Variants in STARD3 observed in about 807,000 individuals in gnomAD.
STARD3 encodes the protein StAR related lipid transfer domain containing 3, also known as stAR-related lipid transfer protein 3.
In STARD3, 39 loss-of-function variants were observed where a neutral mutation model predicts 62.0. The ratio of observed to expected loss-of-function variants is 0.63; its 90% CI spans 0.49 to 0.82. The LOEUF (loss-of-function observed/expected upper bound fraction) is 0.82. STARD3 is among the 40% of genes least tolerant of loss of function. STARD3 has a pLI of 0.00. For missense variants in STARD3, 543 were observed against 584.5 expected (o/e 0.93, Z 0.73); for synonymous variants, 229 against 242.4 (o/e 0.94, Z 0.51).
chr17:39,661,733 G>A (rs550384294), intron 13 of STARD3, among the ~76,000 whole-genome samples: 7 of 152,140 alleles, frequency 4.6e-5, no homozygotes, highest in Non-Finnish European at 1.0e-4. Flanking sequence ...AGACTTGCTG[G>A]GTGCAGGGAA....
At chr17:39,643,181 G>T (rs374890991) in intron 1 of STARD3, among the ~76,000 whole-genome samples, 14 of 152,224 alleles carry the variant, frequency 9.2e-5, no homozygotes, top group South Asian at 4.1e-4. Context: ...GCCAGATTTT[G>T]CAGGAAGAGA....
In STARD3 at chr17:39,659,563, C is replaced by T; in HGVS notation, c.795+10C>T. 1 of 1,613,594 alleles carries T rather than the reference C, an allele frequency of 6.2e-7. No individual in the cohort carries two copies. Among genetic ancestry groups the T allele is most frequent in the Non-Finnish European group, 8.5e-7 (1 of 1,179,538 alleles). The stretch of plus-strand genomic sequence containing the variant: ...GTTTGAGAAGAATAATGTAAGAAGC[C>T]CTCTCCCACCTGACCTTCCCATGCG... On this transcript the variant is annotated intron_variant, in intron 9 of 14. Coordinates refer to ENST00000336308, the MANE Select transcript of STARD3 (RefSeq NM_006804.4).
At position 39,645,981 on chromosome 17, in the gene STARD3, C is replaced by G. The variant is rs903577709; in HGVS notation, c.-51-7500C>G. The stretch of plus-strand genomic sequence containing the variant: ...ATCTTGGCTCACTGCAACCTTCGCC[C>G]CTCAGGTTCAATCAATCCTCCCACC... On this transcript the variant is annotated intron_variant, in intron 1 of 14. Transcript: ENST00000336308. 2.0e-5 allele frequency among the ~76,000 whole-genome samples: 3 copies of G among 147,014 alleles called. No homozygotes were observed. The East Asian group carries it at 6.0e-4, about 29-fold the overall frequency.
intron 13 of STARD3, 64 bp downstream of exon 13, chr17:39,661,149 AG>A: frequency 1.4e-6 from 2 of 1,475,782 alleles, no homozygotes; most frequent in Non-Finnish European, 1.9e-6. Context: ...TGAGCAGTGC[AG>A]GGTACAGCAT....
chr17:39,656,327 G>C (rs1238191538), intron 2 of STARD3, among the ~76,000 whole-genome samples: 1 of 152,218 alleles, frequency 6.6e-6, no homozygotes, highest in African/African-American at 2.4e-5. Context: ...CGTCACCCCC[G>C]TCATTCCAAG....
At chr17:39,658,070 G>A in intron 5 of STARD3, 44 bp downstream of exon 5, 1 of 1,540,652 alleles carries the variant, frequency 6.5e-7, no homozygotes. Context: ...CATCAGACCT[G>A]AGTGGTATGC....
At chr17:39,640,300 G>C (rs993155620) in intron 1 of STARD3, among the ~76,000 whole-genome samples, 2 of 152,200 alleles carry the variant, frequency 1.3e-5, no homozygotes, top group East Asian at 3.8e-4. Flanking sequence ...TCACTCAGCA[G>C]GGATTTAAAG....
chr17:39,655,691 G>C (rs1181026916), intron 2 of STARD3, among the ~76,000 whole-genome samples: 1 of 152,104 alleles, frequency 6.6e-6, no homozygotes, highest in African/African-American at 2.4e-5. Context: ...AAATTGTATT[G>C]ATTTTCAGTC....
intron 7 of STARD3, 100 bp from the exon 8 acceptor site, chr17:39,658,947 CACTT>C: frequency 6.4e-7 from 1 of 1,558,862 alleles, no homozygotes; most frequent in East Asian, 2.2e-5. Context: ...CTCTCCCACA[CACTT>C]TTATCCCCCA....
intron 5 of STARD3, 62 bp downstream of exon 5, chr17:39,658,088 G>A (rs2057150565): frequency 6.6e-7 from 1 of 1,506,908 alleles, no homozygotes. Flanking sequence ...TGCTTCTAGA[G>A]AGGAGCATTT....
chr17:39,656,820 G>T (rs1410344766), intron 2 of STARD3, 188 bp from the exon 3 acceptor site: 1 of 595,628 alleles, frequency 1.7e-6, no homozygotes, highest in African/African-American at 1.9e-5. Context: ...ACTGGTATTG[G>T]TGCCTGAGGT....
rs899644667 is a variant in STARD3, at chr17:39,637,179, G to T, written c.-104G>T. 3.3e-5 allele frequency: 5 copies of T among 152,318 alleles called. No individual in the cohort carries two copies. Among genetic ancestry groups the T allele is most frequent in the African/African-American group, 1.2e-4 (5 of 41,474 alleles). 9.4% of individuals were successfully genotyped at this position (152,318 alleles called of 1,614,324 possible). A position where few individuals can be genotyped will look rare whatever the true frequency, so the allele number is the denominator to read the frequency against. On this transcript the variant is annotated 5_prime_UTR_variant, in exon 1 of 15. Transcript: ENST00000336308. ...TCTGAGGCGCTACTGAGGCCGCGGA[G>T]CCGGACTGCGGTTGGGGCGGGAAGA...
chr17:39,658,519 C>CG lies in STARD3; in HGVS notation c.545dup (p.Trp183MetfsTer36). On this transcript the variant is annotated frameshift_variant, in exon 6 of 15. Transcript: ENST00000336308. LOFTEE classifies it high-confidence loss of function. ...CCTACCCCAGGAAGCTGAAGAGGAG[C>CG]GATGTGAGTGCTTGCGGGTAGGGGG... 2 of 1,613,370 alleles carry CG rather than the reference C, an allele frequency of 1.2e-6. No homozygotes were observed. Among genetic ancestry groups the CG allele is most frequent in the Non-Finnish European group, 1.7e-6 (2 of 1,179,582 alleles).
At chr17:39,659,324 G>T in intron 8 of STARD3, 137 bp from the exon 9 acceptor site, 5 of 1,010,768 alleles carry the variant, frequency 4.9e-6, no homozygotes, top group Non-Finnish European at 7.3e-6. Context: ...GGCCCAGGGA[G>T]ACCAGCCCAG....
intron 14 of STARD3, 93 bp downstream of exon 14, chr17:39,662,437 C>T: frequency 8.1e-7 from 1 of 1,231,120 alleles, no homozygotes; most frequent in Non-Finnish European, 1.2e-6. Flanking sequence ...GGCTCTCTGC[C>T]ATGCCTGGGC....
At chr17:39,638,874 G>T (rs1262411339) in intron 1 of STARD3, among the ~76,000 whole-genome samples, 1 of 152,194 alleles carries the variant, frequency 6.6e-6, no homozygotes, top group Non-Finnish European at 1.5e-5. Context: ...GGGTGCAGTG[G>T]CTCATGCATT....
At chr17:39,657,720 A>G in intron 3 of STARD3, 55 bp from the exon 4 acceptor site, 1 of 1,605,340 alleles carries the variant, frequency 6.2e-7, no homozygotes, top group South Asian at 1.1e-5. Flanking sequence ...GTCAGCCTGC[A>G]GCAGGGTGGG....
chr17:39,660,217 G>A lies in STARD3; in HGVS notation c.802G>A (p.Gly268Arg). ...CCTTCTGTCCCTGCCATAGGAATAT[G>A]GGGACACCGTGTACACCATTGAAGT... is the stretch of plus-strand genomic sequence containing the variant. ...NWKFEKNNEYGDTVYTIEVPF... is the reference protein window; with the variant it reads ...NWKFEKNNEYRDTVYTIEVPF... The change falls in exon 10 of 15, where the codon GGG becomes AGG. Residue 268 changes from glycine to arginine, a missense_variant. Gly to Arg is a moderately radical substitution (Grantham distance 125). Coordinates refer to ENST00000336308, the MANE Select transcript of STARD3 (RefSeq NM_006804.4). This position sits in a 1 kb window ranked among gnomAD's most constrained non-coding sequence, Gnocchi z 4.8. 6.2e-7 allele frequency: 1 copy of A among 1,614,004 alleles called. No individual in the cohort carries two copies. The highest frequency in any genetic ancestry group is 8.5e-7 in the Non-Finnish European group (1 of 1,179,982).
In STARD3 at chr17:39,662,895, G is replaced by A; in HGVS notation, c.1325G>A (p.Gly442Glu). The A allele has an allele frequency of 6.2e-7, 1 of 1,611,802 alleles. No individual in the cohort carries two copies. Among genetic ancestry groups the A allele is most frequent in the South Asian group, 1.1e-5 (1 of 90,852 alleles). ...FHLRQRISEL[G>E]ARA is the part of the protein sequence containing the mutation. ...CTGCGACAGCGCATCAGCGAGCTGGGGGCCCGGGCGTGACTGTGCCCCCTC... is the reference window on the plus strand; with the variant it reads ...CTGCGACAGCGCATCAGCGAGCTGGAGGCCCGGGCGTGACTGTGCCCCCTC... The change falls in exon 15 of 15, where the codon GGG becomes GAG. Residue 442 changes from glycine to glutamate, a missense_variant. Transcript: ENST00000336308.
Sources: allele counts gnomAD v4.1 joint callset (sites outside exome capture counted in the v4.1 genomes callset), GRCh38; gene constraint gnomAD v4.1.1; non-coding constraint Gnocchi (gnomAD v3.1); transcripts MANE v1.5; gene names NCBI Gene and HGNC (gene_info 2026-07-23, HGNC 2026-07-21).